Variants in TLL2 observed in about 807,000 individuals in gnomAD.
TLL2 encodes tolloid like 2, also known as tolloid-like protein 2.
In TLL2, 106 loss-of-function variants were observed where a neutral mutation model predicts 123.0. The observed-to-expected ratio is 0.86, with a 90% CI of 0.74 to 1.01. The LOEUF (loss-of-function observed/expected upper bound fraction) is 1.01, where lower values mean the gene tolerates loss of function less well. Ranked by LOEUF, TLL2 falls within the 50% of genes least tolerant of loss-of-function variation. TLL2 has a pLI of 0.00. For missense variants in TLL2, 1,332 were observed against 1,336.7 expected (o/e 1.00, Z 0.06); for synonymous variants, 494 against 516.8 (o/e 0.96, Z 0.60).
At chr10:96,458,910 C>A (rs1244826229) in intron 2 of TLL2, among the ~76,000 whole-genome samples, 1 of 152,012 alleles carries the variant, frequency 6.6e-6, no homozygotes, top group African/African-American at 2.4e-5. Flanking sequence ...GCCTGGGCAA[C>A]ATTACAAGAC....
At position 96,467,196 on chromosome 10, in the gene TLL2, G is replaced by A. The variant is rs996950131; in HGVS notation, c.286+13153C>T. Among the ~76,000 whole-genome samples the A allele has an allele frequency of 3.3e-5, 5 of 152,236 alleles. No homozygotes were observed. The East Asian group carries it at 9.7e-4, about 29-fold the overall frequency. ...AAGTTTAAAAATTTAGGGATTTGGG[G>A]GAGGTATTTTTTTAGAAACAGCATC... On this transcript the variant is annotated intron_variant, in intron 2 of 20. Transcript: ENST00000357947.
intron 16 of TLL2, among the ~76,000 whole-genome samples, chr10:96,382,234 T>C (rs1846192680): frequency 6.6e-6 from 1 of 152,242 alleles, no homozygotes; most frequent in Admixed American, 6.5e-5. Context: ...TTTCACCACG[T>C]TGGGCAGGAT....
intron 2 of TLL2, among the ~76,000 whole-genome samples, chr10:96,473,953 C>T (rs867628426): frequency 2.1e-4 from 32 of 152,122 alleles, no homozygotes; most frequent in African/African-American, 7.2e-4. Context: ...CAGCCACTCT[C>T]GTATCGAAAA....
chr10:96,407,411 C>T (rs529684474), intron 9 of TLL2, among the ~76,000 whole-genome samples: 40 of 152,276 alleles, frequency 2.6e-4, no homozygotes, highest in Admixed American at 1.4e-3. Flanking sequence ...CTTCTCAGCT[C>T]CATCTACTAG....
intron 8 of TLL2, among the ~76,000 whole-genome samples, chr10:96,412,616 C>T (rs993255142): frequency 1.3e-5 from 2 of 152,138 alleles, no homozygotes; most frequent in African/African-American, 2.4e-5. Context: ...CCAGTATTGT[C>T]CCATCTTCAA....
At chr10:96,457,140 C>G (rs1376773432) in intron 2 of TLL2, among the ~76,000 whole-genome samples, 1 of 152,174 alleles carries the variant, frequency 6.6e-6, no homozygotes, top group Non-Finnish European at 1.5e-5. Flanking sequence ...TGTAGGGACC[C>G]AGACATAGCC....
At chr10:96,438,498 A>G (rs1412246012) in intron 3 of TLL2, among the ~76,000 whole-genome samples, 1 of 152,158 alleles carries the variant, frequency 6.6e-6, no homozygotes, top group Non-Finnish European at 1.5e-5. Flanking sequence ...TATTTCTGAA[A>G]TTTTGTTGAA....
chr10:96,415,734 T>C (rs955095233), intron 7 of TLL2, among the ~76,000 whole-genome samples: 3 of 82,986 alleles, frequency 3.6e-5, no homozygotes, highest in Non-Finnish European at 7.0e-5. Flanking sequence ...TCTCTGTCTC[T>C]CTCTGTCTCT....
chr10:96,436,701 T>TC (rs1564907034), intron 3 of TLL2, among the ~76,000 whole-genome samples: 1 of 152,106 alleles, frequency 6.6e-6, no homozygotes, highest in East Asian at 1.9e-4. Flanking sequence ...TTTTTTTTTT[T>TC]CTGAGTCAGG....
chr10:96,400,736 G>T (rs10882786), intron 10 of TLL2, among the ~76,000 whole-genome samples: 2 of 151,936 alleles, frequency 1.3e-5, no homozygotes, highest in South Asian at 2.1e-4. Flanking sequence ...GATACAGAAT[G>T]CCCAAAGACA....
rs953158577 is a variant in TLL2 at position 96,497,036 on chromosome 10, T to A, written c.175+16475A>T. Among the ~76,000 whole-genome samples, 3 of 151,984 alleles carry A rather than the reference T, an allele frequency of 2.0e-5. No homozygotes were observed. In the South Asian group the frequency reaches 6.2e-4, roughly 32 times the overall value. Reference sequence around the variant, plus strand: ...TGGCTCATGCCTGTAATCCCAGCACTTTGGGAGGCCAAGGCCAGTGGATCA... The same window carrying A: ...TGGCTCATGCCTGTAATCCCAGCACATTGGGAGGCCAAGGCCAGTGGATCA... On this transcript the variant is annotated intron_variant, in intron 1 of 20. Transcript: ENST00000357947.
chr10:96,380,094 C>G (rs1436115856), intron 16 of TLL2, among the ~76,000 whole-genome samples: 2 of 152,218 alleles, frequency 1.3e-5, no homozygotes, highest in Non-Finnish European at 2.9e-5. Flanking sequence ...ATGGTATCCT[C>G]ATTTCACAGG....
chr10:96,482,674 C>A (rs1847322747), intron 1 of TLL2, among the ~76,000 whole-genome samples: 1 of 152,148 alleles, frequency 6.6e-6, no homozygotes, highest in East Asian at 1.9e-4. Flanking sequence ...GGGGCAGAAA[C>A]AAGGATCGAC....
intron 4 of TLL2, among the ~76,000 whole-genome samples, chr10:96,430,330 G>C (rs1252060419): frequency 3.9e-5 from 6 of 152,202 alleles, no homozygotes; most frequent in Non-Finnish European, 5.9e-5. Flanking sequence ...CTGGCTTCCT[G>C]TTGCCTTCCG....
chr10:96,386,835 T>A (rs1029999862), intron 14 of TLL2, 118 bp downstream of exon 14: 1 of 1,460,342 alleles, frequency 6.8e-7, no homozygotes, highest in South Asian at 1.2e-5. Context: ...TCTTCCACCA[T>A]GTCTGCCCAT....
In TLL2 at chr10:96,365,012, C is replaced by G. The variant is rs1027642772; in HGVS notation, c.*3076G>C. 1 of 152,176 alleles carries G rather than the reference C, an allele frequency of 6.6e-6. No individual in the cohort carries two copies. Among genetic ancestry groups the G allele is most frequent in the Non-Finnish European group, 1.5e-5 (1 of 68,036 alleles). The allele number at this position is 152,176 out of a possible 1,614,324, so 9.4% of individuals were successfully genotyped here. The stretch of plus-strand genomic sequence containing the variant: ...AATTCATGAGTGATATGAAACTTTA[C>G]AGCAGGGGTGTCCCATCTTTTGGCT... On this transcript the variant is annotated 3_prime_UTR_variant, in exon 21 of 21. Coordinates refer to ENST00000357947, the MANE Select transcript of TLL2 (RefSeq NM_012465.4).
At chr10:96,393,011 T>C (rs1012581532) in intron 13 of TLL2, among the ~76,000 whole-genome samples, 4 of 152,154 alleles carry the variant, frequency 2.6e-5, no homozygotes, top group African/African-American at 9.7e-5. Flanking sequence ...GAATGTGGCA[T>C]GAGAATGACA....
At chr10:96,490,982 C>G (rs971292090) in intron 1 of TLL2, among the ~76,000 whole-genome samples, 13 of 152,180 alleles carry the variant, frequency 8.5e-5, no homozygotes, top group Admixed American at 4.6e-4. Context: ...GTCATGGGCT[C>G]CCCTCCACCT....
At chr10:96,508,238 T>G (rs1207820931) in intron 1 of TLL2, among the ~76,000 whole-genome samples, 1 of 152,206 alleles carries the variant, frequency 6.6e-6, no homozygotes, top group African/African-American at 2.4e-5. Context: ...CTCTGGGCAC[T>G]TTTAGGAGTC....
Sources: gnomAD v4.1 joint callset for allele counts (sites outside exome capture counted in the v4.1 genomes callset) on GRCh38, gnomAD v4.1.1 for gene constraint, MANE v1.5 for transcripts, NCBI Gene and HGNC (gene_info 2026-07-23, HGNC 2026-07-21) for gene names.